The following KCNG1 variants were observed in gnomAD, a reference collection of about 807,000 sequenced individuals.
KCNG1 encodes voltage-gated potassium channel regulatory subunit KCNG1.
KCNG1 carries 17 observed loss-of-function variants against 32.4 expected under a neutral mutation model. The ratio of observed to expected loss-of-function variants is 0.52; its 90% CI spans 0.36 to 0.79. The LOEUF (loss-of-function observed/expected upper bound fraction) is 0.79, where lower values mean the gene tolerates loss of function less well. KCNG1 is among the 30% of genes least tolerant of loss of function. The pLI is 0.00. For synonymous variants in KCNG1, 358 were observed against 339.9 expected (o/e 1.05, Z -0.59); for missense variants, 441 against 735.2 (o/e 0.60, Z 4.63).
At chr20:51,020,193 G>C (rs1302257899) in intron 1 of KCNG1, among the ~76,000 whole-genome samples, 1 of 152,166 alleles carries the variant, frequency 6.6e-6, no homozygotes, top group African/African-American at 2.4e-5. Context: ...AACACCAAAT[G>C]CACGTTTGCG....
Position 51,005,718 on chromosome 20 carries a change from T to C in KCNG1, c.775-912A>G, listed in dbSNP as rs1987801821. On this transcript the variant is annotated intron_variant, in intron 2 of 2. Transcript: ENST00000371571. The surrounding 1 kb of genome is among the most constrained non-coding windows in gnomAD (Gnocchi z 4.0). ...CTTGCCTCTCTGGTCTGGAATATAA[T>C]TGGGTGGTAAACAGTCCTTTAGTGG... 2 of 152,226 alleles carry C rather than the reference T, an allele frequency of 1.3e-5. No homozygotes were observed. The highest frequency in any genetic ancestry group is 2.9e-5 in the Non-Finnish European group (2 of 68,074). 9.4% of individuals were successfully genotyped at this position (152,226 alleles called of 1,614,324 possible). A position where few individuals can be genotyped will look rare whatever the true frequency, so the allele number is the denominator to read the frequency against.
intron 1 of KCNG1, among the ~76,000 whole-genome samples, chr20:51,016,775 C>T (rs1988295172): frequency 6.6e-6 from 1 of 152,204 alleles, no homozygotes; most frequent in Non-Finnish European, 1.5e-5. Context: ...TCACAAGCTA[C>T]GATTAGAGTC....
intron 1 of KCNG1, chr20:51,012,435 T>C (rs1988128614): frequency 6.6e-6 from 1 of 152,304 alleles, no homozygotes; most frequent in Non-Finnish European, 1.5e-5. Flanking sequence ...AGAAACGTGC[T>C]TTAGTCATCT....
rs1419434391 is a variant in KCNG1, at chr20:51,009,997, C to T, written c.342G>A (p.Glu114=). The T allele has an allele frequency of 2.5e-6, 4 of 1,613,960 alleles. No homozygotes were observed. The highest frequency in any genetic ancestry group is 3.4e-6 in the Non-Finnish European group (4 of 1,179,994). The change falls in exon 2 of 3, where the codon GAG becomes GAA. Residue 114 remains glutamate (E), a synonymous_variant. Coordinates refer to ENST00000371571, the MANE Select transcript of KCNG1 (RefSeq NM_002237.4). Reference sequence around the variant, plus strand: ...CCCCCGGGTTGCGGTCGAAGAAGAACTCGTTGCAGGTGACGTCGTAGTCAT... The same window carrying T: ...CCCCCGGGTTGCGGTCGAAGAAGAATTCGTTGCAGGTGACGTCGTAGTCAT... ...VCDDYDVTCN[E]FFFDRNPGAF...
At position 51,015,525 on chromosome 20, in the gene KCNG1, G is replaced by T. The variant is rs1221730361; in HGVS notation, c.-26-5161C>A. Among the ~76,000 whole-genome samples, 1 of 152,212 alleles carries T rather than the reference G, an allele frequency of 6.6e-6. No homozygotes were observed. The highest frequency in any genetic ancestry group is 6.5e-5 in the Admixed American group (1 of 15,284). On this transcript the variant is annotated intron_variant, in intron 1 of 2. Transcript: ENST00000371571. This position sits in a 1 kb window ranked among gnomAD's most constrained non-coding sequence, Gnocchi z 4.4. ...TGGCTAGGCTGGCAGGGGCCGGAGG[G>T]CCAGGGTAGTAGAGCTATGGTGAAG...
intron 1 of KCNG1, among the ~76,000 whole-genome samples, chr20:51,016,678 C>T (rs747645912): frequency 1.1e-4 from 16 of 152,168 alleles, no homozygotes; most frequent in Admixed American, 8.5e-4. Flanking sequence ...CCTTGAGTTA[C>T]GGTGAGGACA....
At chr20:51,013,925 C>G (rs964871057) in intron 1 of KCNG1, 10 of 152,226 alleles carry the variant, frequency 6.6e-5, no homozygotes, top group African/African-American at 2.4e-4. Flanking sequence ...ATGCCTCACA[C>G]AAGCCCTGGA....
chr20:51,009,205 A>G (rs1038569082), intron 2 of KCNG1, among the ~76,000 whole-genome samples: 45 of 152,214 alleles, frequency 3.0e-4, no homozygotes, highest in African/African-American at 1.0e-3. Context: ...TGATATATGT[A>G]ATGTGCTTCG....
chr20:51,009,042 T>C (rs1987950858), intron 2 of KCNG1, among the ~76,000 whole-genome samples: 1 of 152,176 alleles, frequency 6.6e-6, no homozygotes, highest in Non-Finnish European at 1.5e-5. Context: ...CCATTCATTC[T>C]CTTATGTAAC....
At position 51,005,328 on chromosome 20, in the gene KCNG1, T is replaced by C. The variant is rs1334836285; in HGVS notation, c.775-522A>G. On this transcript the variant is annotated intron_variant, in intron 2 of 2. Transcript: ENST00000371571. This position sits in a 1 kb window ranked among gnomAD's most constrained non-coding sequence, Gnocchi z 4.0. ...TCCTTTCTTGCCTGGATGGTTGCAG[T>C]CACCTCACCTCCCCGCTGGGCTCCC... 2 of 152,886 alleles carry C rather than the reference T, an allele frequency of 1.3e-5. No individual in the cohort carries two copies. The highest frequency in any genetic ancestry group is 1.3e-4 in the Admixed American group (2 of 15,296). 9.5% of individuals were successfully genotyped at this position (152,886 alleles called of 1,614,324 possible).
chr20:51,019,051 A>G (rs2123277122), intron 1 of KCNG1, among the ~76,000 whole-genome samples: 1 of 152,342 alleles, frequency 6.6e-6, no homozygotes, highest in East Asian at 1.9e-4. Context: ...AGTTAAAAAA[A>G]ATCAACAAAA....
In KCNG1 at chr20:51,004,034, C is replaced by T. The variant is rs8192537; in HGVS notation, c.*5G>A. On this transcript the variant is annotated 3_prime_UTR_variant, in exon 3 of 3. Transcript: ENST00000371571. The surrounding 1 kb of genome is among the most constrained non-coding windows in gnomAD (Gnocchi z 4.3). ...TGGCAGGCAGGGCAGGCGTGTCCTC[C>T]GCGCTCAGTTATTGTCTCTGGTGTC... is the stretch of plus-strand genomic sequence containing the variant. The T allele has an allele frequency of 1.0e-3, 1,681 of 1,612,104 alleles. 12 individuals carry two copies. In the African/African-American group the frequency reaches 0.015, roughly 15 times the overall value.
intron 1 of KCNG1, 84 bp from the exon 2 acceptor site, chr20:51,010,448 G>C (rs1378850445): frequency 7.5e-6 from 7 of 933,910 alleles, no homozygotes; most frequent in Non-Finnish European, 1.1e-5. Context: ...GATATTCACT[G>C]TTAGGGATGG....
At position 51,022,078 on chromosome 20, in the gene KCNG1, T is replaced by A. The variant is rs140849584; in HGVS notation, c.-27+792A>T. On this transcript the variant is annotated intron_variant, in intron 1 of 2. Transcript: ENST00000371571. Reference sequence around the variant, plus strand: ...AATCCTTACTTCTCTCTAAGCTGCATGAAGGGTGCCCCCATTCCATCCCTC... The same window carrying A: ...AATCCTTACTTCTCTCTAAGCTGCAAGAAGGGTGCCCCCATTCCATCCCTC... Among the ~76,000 whole-genome samples the A allele has an allele frequency of 9.3e-3, 1,423 of 152,274 alleles. 9 individuals carry two copies. The highest frequency in any genetic ancestry group is 0.051 in the Middle Eastern group (15 of 294).
chr20:51,020,208 CCTT>C (rs955593754), intron 1 of KCNG1, among the ~76,000 whole-genome samples: 6 of 152,218 alleles, frequency 3.9e-5, no homozygotes, highest in South Asian at 2.1e-4. Flanking sequence ...TTTGCGTTTG[CCTT>C]CTTCTACGGG....
rs767553295 is a variant in KCNG1 at position 51,009,966 on chromosome 20, C to G, written c.373G>C (p.Gly125Arg). ...GCGCGCAGGAAGGTCAGGATAGTGC[C>G]GAAGGCCCCCGGGTTGCGGTCGAAG... The part of the protein sequence containing the change: ...FFFDRNPGAF[G>R]TILTFLRAGK... Residue 125 changes from glycine (G) to arginine (R), a missense_variant, in exon 2 of 3, where the codon GGC (glycine) becomes CGC (arginine). By Grantham distance (125) the Gly-to-Arg change is moderately radical. Around this residue, in one of 6 missense-constraint regions of KCNG1, gnomAD observed 70 missense variants for 158.4 expected, o/e 0.44. Transcript: ENST00000371571. 2.5e-6 allele frequency: 4 copies of G among 1,613,944 alleles called. No homozygotes were observed. Among genetic ancestry groups the G allele is most frequent in the East Asian group, 2.2e-5 (1 of 44,876 alleles).
chr20:51,009,919 G>T lies in KCNG1; in HGVS notation c.420C>A (p.Arg140=). The T allele has an allele frequency of 2.5e-6, 4 of 1,613,636 alleles. No homozygotes were observed. The highest frequency in any genetic ancestry group is 3.4e-6 in the Non-Finnish European group (4 of 1,179,962). The change falls in exon 2 of 3, where the codon CGC becomes CGA. Residue 140 remains arginine (R), a synonymous_variant. Coordinates refer to ENST00000371571, the MANE Select transcript of KCNG1 (RefSeq NM_002237.4). ...FLRAGKLRLL[R]EMCALSFQEE... is the part of the protein sequence containing the mutation. The stretch of plus-strand genomic sequence containing the variant: ...CCTGGAAGGACAGCGCGCACATCTC[G>T]CGCAGCAGCCGCAGCTTGCCCGCGC...
At chr20:51,022,414 GACTC>G (rs1307489115) in intron 1 of KCNG1, among the ~76,000 whole-genome samples, 1 of 152,144 alleles carries the variant, frequency 6.6e-6, no homozygotes, top group Non-Finnish European at 1.5e-5. Flanking sequence ...CATAATGAAT[GACTC>G]AATCAGGCCC....
At chr20:51,021,872 C>A (rs926729298) in intron 1 of KCNG1, among the ~76,000 whole-genome samples, 2 of 152,136 alleles carry the variant, frequency 1.3e-5, no homozygotes, top group Non-Finnish European at 2.9e-5. Context: ...TACCCCATCA[C>A]CCGCCCCTAA....
Sources: allele counts gnomAD v4.1 joint callset (sites outside exome capture counted in the v4.1 genomes callset), GRCh38; gene constraint gnomAD v4.1.1; regional missense constraint gnomAD v4.1.1; non-coding constraint Gnocchi (gnomAD v3.1); transcripts MANE v1.5; gene names NCBI Gene and HGNC (gene_info 2026-07-23, HGNC 2026-07-21).